Variants in DOCK9 observed in about 807,000 individuals in gnomAD.
DOCK9 encodes the protein dedicator of cytokinesis 9.
A neutral mutation model predicts 263.3 loss-of-function variants in DOCK9; 89 were observed. That is an observed-to-expected ratio of 0.34 (90% CI 0.28 to 0.40). DOCK9 has a LOEUF of 0.40. Among genes scored for constraint, DOCK9 ranks in the 10% least tolerant of loss-of-function variants. The pLI is 1.00. For missense variants in DOCK9, 2,140 were observed against 2,603.4 expected (o/e 0.82, Z 3.87); for synonymous variants, 976 against 973.1 (o/e 1.00, Z -0.06).
At chr13:98,958,871 T>C (rs2058350883) in intron 1 of DOCK9, among the ~76,000 whole-genome samples, 1 of 152,346 alleles carries the variant, frequency 6.6e-6, no homozygotes, top group South Asian at 2.1e-4. Context: ...TGTTTGATAA[T>C]AAAAATATTC....
intron 1 of DOCK9, among the ~76,000 whole-genome samples, chr13:99,000,815 A>G (rs1882144335): frequency 6.6e-6 from 1 of 152,146 alleles, no homozygotes; most frequent in African/African-American, 2.4e-5. Context: ...CCATAGTGTG[A>G]TTTTTTACAA....
At chr13:98,879,245 G>A (rs1441596699) in intron 27 of DOCK9, among the ~76,000 whole-genome samples, 1 of 152,174 alleles carries the variant, frequency 6.6e-6, no homozygotes, top group African/African-American at 2.4e-5. Flanking sequence ...GTCATCTCAG[G>A]GCTGAGTGCA....
intron 27 of DOCK9, among the ~76,000 whole-genome samples, chr13:98,871,093 C>T (rs140207500): frequency 7.2e-5 from 11 of 152,212 alleles, no homozygotes; most frequent in East Asian, 1.9e-4. Context: ...ATAATAAAGA[C>T]GTTTTGCTAA....
chr13:98,881,229 G>GA lies in DOCK9; in HGVS notation c.2745+328dup, dbSNP rs796111935. Among the ~76,000 whole-genome samples the GA allele has an allele frequency of 5.0e-3, 679 of 135,552 alleles. 4 individuals are homozygous for GA. Among genetic ancestry groups the GA allele is most frequent in the African/African-American group, 0.017 (613 of 36,920 alleles). 88.9% of individuals were successfully genotyped at this position (135,552 alleles called of 152,430 possible). ...TTTTGCTGGAAAGTTTAGATGGAAAGAAAAAAAAAAAGGAAGACAACTAAC... is the reference window on the plus strand; with the variant it reads ...TTTTGCTGGAAAGTTTAGATGGAAAGAAAAAAAAAAAAGGAAGACAACTAAC... On this transcript the variant is annotated intron_variant, in intron 25 of 52. Coordinates refer to ENST00000682017, the MANE Select transcript of DOCK9 (RefSeq NM_001366683.2).
In DOCK9 at chr13:98,831,713, T is replaced by C. The variant is rs1331612655; in HGVS notation, c.4388A>G (p.Gln1463Arg). Residue 1463 changes from glutamine to arginine, a missense_variant, in exon 40 of 53, where the codon CAA becomes CGA. This residue lies in a region of DOCK9 where 619 missense variants were observed against 861.8 expected (regional missense o/e 0.72). Coordinates refer to ENST00000682017, the MANE Select transcript of DOCK9 (RefSeq NM_001366683.2). ...KVFDVYLCFL[Q>R]KHQSETALKN... ...TAAAGCCGTTTCAGACTGATGTTTT[T>C]GAAGAAAACACAGGTAGACATCAAA... 1.9e-6 allele frequency: 3 copies of C among 1,613,980 alleles called. No homozygotes were observed. The South Asian group carries it at 3.3e-5, about 18-fold the overall frequency.
At chr13:99,033,640 T>C (rs1434716812) in intron 1 of DOCK9, among the ~76,000 whole-genome samples, 1 of 152,176 alleles carries the variant, frequency 6.6e-6, no homozygotes, top group Non-Finnish European at 1.5e-5. Context: ...ACCTAACCTG[T>C]AGAAGGCACA....
chr13:98,863,160 T>A, intron 31 of DOCK9, 28 bp from the exon 32 acceptor site: 1 of 1,577,484 alleles, frequency 6.3e-7, no homozygotes, highest in South Asian at 1.2e-5. Flanking sequence ...ATGGTAAGTT[T>A]GACCCAGGAT....
In DOCK9 at chr13:98,825,127, G is replaced by A. The variant is rs2140748110; in HGVS notation, c.5024-623C>T. On this transcript the variant is annotated intron_variant, in intron 44 of 52. Coordinates refer to ENST00000682017, the MANE Select transcript of DOCK9 (RefSeq NM_001366683.2). The surrounding 1 kb of genome is among the most constrained non-coding windows in gnomAD (Gnocchi z 4.1). The stretch of plus-strand genomic sequence containing the variant: ...GCCTGGGCACTCTGATTCTCCAAGA[G>A]GAAATGGTGTTAGCTTAGAGGCAGG... Among the ~76,000 whole-genome samples the A allele has an allele frequency of 6.6e-6, 1 of 152,314 alleles. No individual in the cohort carries two copies. Among genetic ancestry groups the A allele is most frequent in the East Asian group, 1.9e-4 (1 of 5,182 alleles).
chr13:98,887,934 G>C (rs1265021815), intron 18 of DOCK9, among the ~76,000 whole-genome samples: 3 of 152,040 alleles, frequency 2.0e-5, no homozygotes, highest in Non-Finnish European at 4.4e-5. Context: ...AAGAAACTCT[G>C]ATCCTTAAAA....
At chr13:98,823,139 AAG>A (rs1286490427) in intron 45 of DOCK9, among the ~76,000 whole-genome samples, 1 of 152,164 alleles carries the variant, frequency 6.6e-6, no homozygotes, top group Non-Finnish European at 1.5e-5. Flanking sequence ...CAAAAAAAAA[AAG>A]AGTGAAGAGT....
chr13:99,021,811 A>C (rs1886144426), intron 1 of DOCK9, among the ~76,000 whole-genome samples: 1 of 152,074 alleles, frequency 6.6e-6, no homozygotes, highest in Non-Finnish European at 1.5e-5. Flanking sequence ...GGGGCCTGTC[A>C]AGGGGTGGGG....
rs762883327 is a variant in DOCK9 at position 98,831,607 on chromosome 13, G to A, written c.4452+42C>T. 17 of 1,604,354 alleles carry A rather than the reference G, an allele frequency of 1.1e-5. 1 individual carries two copies. The South Asian group carries it at 1.2e-4, about 12-fold the overall frequency. On this transcript the variant is annotated intron_variant, in intron 40 of 52. Transcript: ENST00000682017. ...GGTAATGTACCCTTCAATTCCGGGG[G>A]AAGAAGGAAAACATCTAACCACTGC...
chr13:98,794,852 A>T, intron 52 of DOCK9, 104 bp from the exon 53 acceptor site: 2 of 1,356,054 alleles, frequency 1.5e-6, no homozygotes, highest in Non-Finnish European at 2.1e-6. Flanking sequence ...ACAAAATGTT[A>T]CAGAGTTTAA....
intron 1 of DOCK9, among the ~76,000 whole-genome samples, chr13:99,010,395 C>T (rs1411421549): frequency 6.6e-6 from 1 of 152,218 alleles, no homozygotes; most frequent in Non-Finnish European, 1.5e-5. Context: ...TTTGTTTCAG[C>T]CCAAGCTTCC....
intron 43 of DOCK9, among the ~76,000 whole-genome samples, chr13:98,828,509 T>C (rs1363972920): frequency 2.6e-5 from 4 of 152,218 alleles, no homozygotes; most frequent in African/African-American, 4.8e-5. Flanking sequence ...TTGAGCTCCT[T>C]GAAAAATAAA....
intron 27 of DOCK9, among the ~76,000 whole-genome samples, chr13:98,875,113 C>G (rs747198897): frequency 2.0e-5 from 3 of 152,144 alleles, no homozygotes; most frequent in Non-Finnish European, 4.4e-5. Context: ...ACATATGCAC[C>G]TTCCTGCACA....
intron 20 of DOCK9, chr13:98,885,500 G>C: frequency 2.0e-6 from 1 of 507,092 alleles, no homozygotes; most frequent in Non-Finnish European, 3.3e-6. Context: ...AGCTATTCAG[G>C]AGGCTGAGGT....
At chr13:99,001,166 G>A (rs946005167) in intron 1 of DOCK9, among the ~76,000 whole-genome samples, 6 of 152,130 alleles carry the variant, frequency 3.9e-5, no homozygotes, top group African/African-American at 1.4e-4. Flanking sequence ...AACTCACTTC[G>A]CAAGTAGTAA....
chr13:99,042,364 G>T (rs114628566), intron 1 of DOCK9, among the ~76,000 whole-genome samples: 1 of 152,136 alleles, frequency 6.6e-6, no homozygotes, highest in Non-Finnish European at 1.5e-5. Context: ...CATGTCCAGC[G>T]CAAGGACACT....
Sources: allele counts gnomAD v4.1 joint callset (sites outside exome capture counted in the v4.1 genomes callset), GRCh38; gene constraint gnomAD v4.1.1; regional missense constraint gnomAD v4.1.1; non-coding constraint Gnocchi (gnomAD v3.1); transcripts MANE v1.5; gene names NCBI Gene and HGNC (gene_info 2026-07-23, HGNC 2026-07-21).